DAZL: variants seen among roughly 807,000 people sequenced by gnomAD.
DAZL encodes the protein deleted in azoospermia like.
A neutral mutation model predicts 45.0 loss-of-function variants in DAZL; 4 were observed. The observed-to-expected ratio is 0.09, with a 90% confidence interval of 0.04 to 0.20. The LOEUF (loss-of-function observed/expected upper bound fraction) is 0.20, where lower values mean the gene tolerates loss of function less well. Among genes scored for constraint, DAZL ranks in the 10% least tolerant of loss-of-function variants. The probability of loss-of-function intolerance (pLI) is 1.00; values close to 1 mark genes in which losing one functional copy is unlikely to be tolerated. For missense variants in DAZL, 326 were observed against 351.3 expected (o/e 0.93, Z 0.58); for synonymous variants, 122 against 112.4 (o/e 1.09, Z -0.54).
At chr3:16,588,820 T>G (rs1336686955) in intron 10 of DAZL, 107 bp from the exon 11 acceptor site, 7 of 851,766 alleles carry the variant, frequency 8.2e-6, no homozygotes, top group Non-Finnish European at 1.4e-5. Context: ...GTTTAAACAT[T>G]ATAAATAATG....
intron 8 of DAZL, 113 bp from the exon 9 acceptor site, chr3:16,593,881 AAATTC>A (rs1694558469): frequency 4.6e-6 from 3 of 656,716 alleles, no homozygotes; most frequent in Non-Finnish European, 7.9e-6. Flanking sequence ...GGTTGTGTTG[AAATTC>A]AATTATATTA....
intron 1 of DAZL, chr3:16,604,598 A>T: frequency 2.2e-6 from 3 of 1,389,812 alleles, no homozygotes; most frequent in Non-Finnish European, 1.9e-6. Context: ...GACGCCCCAC[A>T]CCCCACGCTG....
rs1002487933 is a variant in DAZL, at chr3:16,588,584, T to A, written c.*76A>T. The A allele has an allele frequency of 1.7e-6, 2 of 1,178,902 alleles. No homozygotes were observed. The highest frequency in any genetic ancestry group is 2.5e-6 in the Non-Finnish European group (2 of 785,310). 73.0% of individuals were successfully genotyped at this position (1,178,902 alleles called of 1,614,324 possible). A position where few individuals can be genotyped will look rare whatever the true frequency, so the allele number is the denominator to read the frequency against. ...AGTGTGATTTACCAAAATTCAGAAT[T>A]TCTATAATAGTGGAAACCTTTTAGC... On this transcript the variant is annotated 3_prime_UTR_variant, in exon 11 of 11. Transcript: ENST00000399444.
Position 16,604,766 on chromosome 3 carries a change from T to TGGCGGGGCGGAGGCGCGTGGGAGTGGG in DAZL, c.3+410_3+436dup, listed in dbSNP as rs1694749334. ...GGGGAGAGCGCGCCAGAAATGAGGC[T>TGGCGGGGCGGAGGCGCGTGGGAGTGGG]GGCGGGGCGGAGGCGCGTGGGAGTG... On this transcript the variant is annotated intron_variant, in intron 1 of 10. Transcript: ENST00000399444. The TGGCGGGGCGGAGGCGCGTGGGAGTGGG allele has an allele frequency of 6.0e-6, 8 of 1,324,280 alleles. No individual in the cohort carries two copies. The African/African-American group carries it at 1.2e-4, about 20-fold the overall frequency. The allele number at this position is 1,324,280 out of a possible 1,614,324, so 82.0% of individuals were successfully genotyped here. A position where few individuals can be genotyped will look rare whatever the true frequency, so the allele number is the denominator to read the frequency against.
chr3:16,598,428 A>T, intron 2 of DAZL, 24 bp downstream of exon 2: 1 of 1,603,304 alleles, frequency 6.2e-7, no homozygotes, highest in Non-Finnish European at 8.5e-7. Context: ...ATTTCAAGGT[A>T]AAAATGAGGT....
At chr3:16,595,133 C>G (rs1694578866) in intron 7 of DAZL, among the ~76,000 whole-genome samples, 181 bp downstream of exon 7, 1 of 152,018 alleles carries the variant, frequency 6.6e-6, no homozygotes, top group Non-Finnish European at 1.5e-5. Flanking sequence ...ATATCCCTGT[C>G]AAAATATTAT....
intron 10 of DAZL, among the ~76,000 whole-genome samples, chr3:16,589,517 C>T (rs1694486708): frequency 6.6e-6 from 1 of 152,026 alleles, no homozygotes; most frequent in Non-Finnish European, 1.5e-5. Flanking sequence ...ACAGGTCACG[C>T]AGGAAACAAG....
intron 3 of DAZL, 30 bp from the exon 4 acceptor site, chr3:16,597,571 T>A: frequency 7.3e-7 from 1 of 1,376,052 alleles, no homozygotes; most frequent in Non-Finnish European, 1.0e-6. Flanking sequence ...AAGTATAAAA[T>A]CACCATCATA....
chr3:16,597,299 G>A (rs890854245), intron 4 of DAZL, among the ~76,000 whole-genome samples, 191 bp downstream of exon 4: 2 of 152,062 alleles, frequency 1.3e-5, no homozygotes, highest in Non-Finnish European at 2.9e-5. Context: ...CTTCCTGTCT[G>A]TAGTTCATGA....
chr3:16,598,985 G>A (rs747203689), intron 1 of DAZL, among the ~76,000 whole-genome samples: 299 of 152,118 alleles, frequency 2.0e-3, no homozygotes, highest in Non-Finnish European at 3.3e-3. Context: ...GTTTCTCCAT[G>A]TTGGCCAGGC....
At chr3:16,590,267 CCT>C (rs1694497675) in intron 10 of DAZL, among the ~76,000 whole-genome samples, 1 of 151,824 alleles carries the variant, frequency 6.6e-6, no homozygotes, top group Non-Finnish European at 1.5e-5. Flanking sequence ...ATGTTTACTC[CCT>C]GTTGCGAAGA....
intron 1 of DAZL, chr3:16,604,749 C>G (rs949727260): frequency 2.9e-6 from 4 of 1,358,738 alleles, no homozygotes; most frequent in Admixed American, 3.3e-5. Flanking sequence ...ACGGGGAGAG[C>G]GCGCCAGAAA....
intron 1 of DAZL, among the ~76,000 whole-genome samples, chr3:16,604,997 G>T (rs181380509): frequency 1.3e-5 from 2 of 152,242 alleles, no homozygotes; most frequent in Non-Finnish European, 2.9e-5. Context: ...CGCCCTTGGC[G>T]TCCCGCGCCT....
At chr3:16,593,051 G>A (rs1188383303) in intron 9 of DAZL, among the ~76,000 whole-genome samples, 1 of 144,040 alleles carries the variant, frequency 6.9e-6, no homozygotes, top group Non-Finnish European at 1.5e-5. Context: ...GTTACAGAGA[G>A]AATGCCGTAA....
Position 16,588,417 on chromosome 3 carries a change from A to G in DAZL, c.*243T>C. The G allele has an allele frequency of 2.9e-6, 1 of 349,346 alleles. No homozygotes were observed. Among genetic ancestry groups the G allele is most frequent in the Non-Finnish European group, 5.4e-6 (1 of 185,124 alleles). 21.6% of individuals were successfully genotyped at this position (349,346 alleles called of 1,614,324 possible). A position where few individuals can be genotyped will look rare whatever the true frequency, so the allele number is the denominator to read the frequency against. ...ATTTTTAAAAAATCCTTGCAGATAAATCTTAGTTTCTTTCAGTCTCAATTA... is the reference window on the plus strand; with the variant it reads ...ATTTTTAAAAAATCCTTGCAGATAAGTCTTAGTTTCTTTCAGTCTCAATTA... On this transcript the variant is annotated 3_prime_UTR_variant, in exon 11 of 11. Coordinates refer to ENST00000399444, the MANE Select transcript of DAZL (RefSeq NM_001351.4).
chr3:16,604,857 G>T lies in DAZL; in HGVS notation c.3+346C>A, dbSNP rs1048041561. The T allele has an allele frequency of 6.7e-6, 5 of 748,972 alleles. No homozygotes were observed. In the African/African-American group the frequency reaches 8.8e-5, roughly 13 times the overall value. 46.4% of individuals were successfully genotyped at this position (748,972 alleles called of 1,614,324 possible). On this transcript the variant is annotated intron_variant, in intron 1 of 10. Coordinates refer to ENST00000399444, the MANE Select transcript of DAZL (RefSeq NM_001351.4). ...GTGGGGGCGGGGTGGGGCAGTCGGG[G>T]GTGGGGAACCCGCACCCCAAACCTC...
chr3:16,601,921 A>C (rs1156599052), intron 1 of DAZL, among the ~76,000 whole-genome samples: 2 of 152,240 alleles, frequency 1.3e-5, no homozygotes, highest in Non-Finnish European at 2.9e-5. Context: ...AGTATTATCT[A>C]ATTCAATTAC....
At chr3:16,592,243 A>G in intron 9 of DAZL, 95 bp from the exon 10 acceptor site, 2 of 1,529,282 alleles carry the variant, frequency 1.3e-6, no homozygotes, top group Non-Finnish European at 1.8e-6. Context: ...ATATTACTTT[A>G]TTTCTAAAGA....
chr3:16,594,009 A>G (rs1263038479), intron 8 of DAZL, among the ~76,000 whole-genome samples: 2 of 152,230 alleles, frequency 1.3e-5, no homozygotes, highest in African/African-American at 2.4e-5. Context: ...TAAGAAACTA[A>G]TGTAGTAAGA....
Sources: allele counts gnomAD v4.1 joint callset (sites outside exome capture counted in the v4.1 genomes callset), GRCh38; gene constraint gnomAD v4.1.1; transcripts MANE v1.5; gene names NCBI Gene and HGNC (gene_info 2026-07-23, HGNC 2026-07-21).